Variants in DCP1B observed in about 807,000 individuals in gnomAD.
The protein encoded by DCP1B is decapping mRNA 1B.
DCP1B carries 47 observed loss-of-function variants against 60.5 expected under a neutral mutation model. The observed-to-expected ratio is 0.78, with a 90% CI of 0.61 to 0.99. The LOEUF (loss-of-function observed/expected upper bound fraction) is 0.99. Among genes scored for constraint, DCP1B ranks in the 50% least tolerant of loss-of-function variants. The pLI, the probability that DCP1B is intolerant of heterozygous loss-of-function variation, is 0.00. For missense variants in DCP1B, 725 were observed against 756.8 expected (o/e 0.96, Z 0.49); for synonymous variants, 267 against 280.3 (o/e 0.95, Z 0.47).
intron 3 of DCP1B, 37 bp downstream of exon 3, chr12:1,993,227 A>C: frequency 6.2e-7 from 1 of 1,614,054 alleles, no homozygotes. Flanking sequence ...GCCAAACTTC[A>C]GAAGTAAAAC....
At chr12:2,000,319 C>T (rs1230079570) in intron 1 of DCP1B, among the ~76,000 whole-genome samples, 1 of 152,170 alleles carries the variant, frequency 6.6e-6, no homozygotes, top group Admixed American at 6.5e-5. Flanking sequence ...AAGATCAAAA[C>T]ACTCTCCTGG....
chr12:1,991,355 AAC>A (rs1359450710), intron 3 of DCP1B: 1 of 414,274 alleles, frequency 2.4e-6, no homozygotes, highest in Non-Finnish European at 4.8e-6. Flanking sequence ...AAATATGAAA[AAC>A]AAATTAAAAT....
intron 3 of DCP1B, among the ~76,000 whole-genome samples, chr12:1,976,268 T>G (rs1304959921): frequency 1.3e-5 from 2 of 152,190 alleles, no homozygotes; most frequent in Non-Finnish European, 2.9e-5. Context: ...TAAGCAATGG[T>G]GCATAATAAA....
chr12:1,969,761 G>C (rs1239807339), intron 3 of DCP1B, among the ~76,000 whole-genome samples: 2 of 152,080 alleles, frequency 1.3e-5, no homozygotes, highest in Non-Finnish European at 2.9e-5. Flanking sequence ...CGTTCTTGAA[G>C]TCAAAGCAGA....
chr12:1,970,354 G>C (rs1351082745), intron 3 of DCP1B, among the ~76,000 whole-genome samples: 1 of 152,084 alleles, frequency 6.6e-6, no homozygotes, highest in African/African-American at 2.4e-5. Flanking sequence ...AGATCATTTT[G>C]AGATAACTCT....
chr12:1,995,264 C>T (rs1409074779), intron 2 of DCP1B, among the ~76,000 whole-genome samples: 5 of 152,202 alleles, frequency 3.3e-5, no homozygotes, highest in Non-Finnish European at 5.9e-5. Flanking sequence ...TTAATACTTA[C>T]TAATACATCT....
chr12:1,963,653 G>A (rs934156793), intron 5 of DCP1B, among the ~76,000 whole-genome samples: 1 of 152,172 alleles, frequency 6.6e-6, no homozygotes, highest in African/African-American at 2.4e-5. Context: ...CAGTGTCCTT[G>A]AAGCTGATTT....
chr12:1,960,326 A>G (rs2031077250), intron 5 of DCP1B, among the ~76,000 whole-genome samples: 1 of 152,262 alleles, frequency 6.6e-6, no homozygotes, highest in Admixed American at 6.5e-5. Flanking sequence ...CTCCTACATG[A>G]AATCCAGAGA....
chr12:1,991,731 A>G (rs1271970977), intron 3 of DCP1B: 1 of 157,984 alleles, frequency 6.3e-6, no homozygotes, highest in East Asian at 1.8e-4. Context: ...TCTATCAGAT[A>G]AACCCTGTGG....
At chr12:1,994,680 A>C (rs1340267482) in intron 2 of DCP1B, among the ~76,000 whole-genome samples, 1 of 152,200 alleles carries the variant, frequency 6.6e-6, no homozygotes, top group African/African-American at 2.4e-5. Context: ...GGAGGAAATA[A>C]ATGATTTTTT....
chr12:1,946,139 A>C lies in DCP1B; in HGVS notation c.*67T>G. ...AGAAACATTGAAGGAAACAACACTC[A>C]ACATGAAAGAACCTTGTGCCGGAGT... On this transcript the variant is annotated 3_prime_UTR_variant, in exon 9 of 9. Coordinates refer to ENST00000280665, the MANE Select transcript of DCP1B (RefSeq NM_152640.5). 1 of 1,251,008 alleles carries C rather than the reference A, an allele frequency of 8.0e-7. No homozygotes were observed. Among genetic ancestry groups the C allele is most frequent in the Non-Finnish European group, 1.1e-6 (1 of 907,894 alleles). The allele number at this position is 1,251,008 out of a possible 1,614,324, so 77.5% of individuals were successfully genotyped here. A position where few individuals can be genotyped will look rare whatever the true frequency, so the allele number is the denominator to read the frequency against.
chr12:1,976,221 G>A (rs965182394), intron 3 of DCP1B, among the ~76,000 whole-genome samples: 14 of 152,240 alleles, frequency 9.2e-5, no homozygotes, highest in East Asian at 1.9e-4. Context: ...CACAGTAGAC[G>A]TATAACCCTT....
intron 7 of DCP1B, among the ~76,000 whole-genome samples, chr12:1,950,867 G>A (rs1282100994): frequency 6.6e-6 from 1 of 152,142 alleles, no homozygotes; most frequent in Non-Finnish European, 1.5e-5. Flanking sequence ...AGGCTGGTCT[G>A]AAACTCCTAG....
chr12:1,943,906 TC>T (rs1188376977), downstream of DCP1B, among the ~76,000 whole-genome samples: 5 of 152,158 alleles, frequency 3.3e-5, no homozygotes, highest in Non-Finnish European at 4.4e-5. Context: ...CTCTCAATAC[TC>T]CTATTCAACA....
chr12:1,991,550 CTT>C (rs891578089), intron 3 of DCP1B: 24 of 225,474 alleles, frequency 1.1e-4, no homozygotes, highest in East Asian at 2.5e-4. Context: ...AGGTTTTTTC[CTT>C]TTTTTTTTGC....
chr12:1,987,111 C>T (rs1565834039), intron 3 of DCP1B, among the ~76,000 whole-genome samples: 1 of 152,152 alleles, frequency 6.6e-6, no homozygotes, highest in African/African-American at 2.4e-5. Flanking sequence ...AAAAAAAGAA[C>T]TTACAGGAAC....
At position 1,963,329 on chromosome 12, in the gene DCP1B, G is replaced by A. The variant is rs1039797815; in HGVS notation, c.522+2229C>T. ...TTAAGTTCTATTATTCTCTCCACAC[G>A]TACTAGCTGGAATTCTCTGGTAGAG... On this transcript the variant is annotated intron_variant, in intron 5 of 8. Coordinates refer to ENST00000280665, the MANE Select transcript of DCP1B (RefSeq NM_152640.5). Among the ~76,000 whole-genome samples the A allele has an allele frequency of 5.3e-5, 8 of 152,064 alleles. No individual in the cohort carries two copies. The South Asian group carries it at 8.3e-4, about 16-fold the overall frequency.
intron 4 of DCP1B, among the ~76,000 whole-genome samples, chr12:1,967,040 T>C (rs1008001579): frequency 6.6e-6 from 1 of 152,176 alleles, no homozygotes; most frequent in Non-Finnish European, 1.5e-5. Context: ...AGGAAACTCA[T>C]CTCACTCTGA....
downstream of DCP1B, among the ~76,000 whole-genome samples, chr12:1,942,742 G>T (rs1163042119): frequency 6.6e-6 from 1 of 152,114 alleles, no homozygotes; most frequent in African/African-American, 2.4e-5. Flanking sequence ...TTTGAAACCA[G>T]GGAAAACAAA....
Sources: allele counts gnomAD v4.1 joint callset (sites outside exome capture counted in the v4.1 genomes callset), GRCh38; gene constraint gnomAD v4.1.1; transcripts MANE v1.5; gene names NCBI Gene and HGNC (gene_info 2026-07-23, HGNC 2026-07-21).